The following AUTS2 variants were observed in gnomAD, a reference collection of about 807,000 sequenced individuals.
AUTS2 encodes activator of transcription and developmental regulator AUTS2, also known as autism susceptibility gene 2 protein.
A neutral mutation model predicts 112.4 loss-of-function variants in AUTS2; 17 were observed. The ratio of observed to expected loss-of-function variants is 0.15; its 90% confidence interval spans 0.10 to 0.23. The LOEUF (loss-of-function observed/expected upper bound fraction) is 0.23. Ranked by LOEUF, AUTS2 falls within the 10% of genes least tolerant of loss-of-function variation. The pLI, the probability that AUTS2 is intolerant of heterozygous loss-of-function variation, is 1.00. For missense variants in AUTS2, 1,510 were observed against 1,701.6 expected (o/e 0.89, Z 1.98); for synonymous variants, 751 against 702.7 (o/e 1.07, Z -1.09).
intron 6 of AUTS2, among the ~76,000 whole-genome samples, chr7:70,703,116 G>GT (rs1335562513): frequency 6.6e-6 from 1 of 151,976 alleles, no homozygotes; most frequent in African/African-American, 2.4e-5. Context: ...TATTCTTTAG[G>GT]TTTAGACACA....
intron 1 of AUTS2, among the ~76,000 whole-genome samples, chr7:69,802,726 A>G (rs75697906): frequency 2.1e-3 from 326 of 152,206 alleles, no homozygotes; most frequent in Non-Finnish European, 3.3e-3. Context: ...CTTGCTTTTC[A>G]GTGTTTTGTT....
At chr7:69,783,430 C>T (rs1286456791) in intron 1 of AUTS2, among the ~76,000 whole-genome samples, 1 of 152,026 alleles carries the variant, frequency 6.6e-6, no homozygotes, top group Non-Finnish European at 1.5e-5. Flanking sequence ...AGAATGGTTC[C>T]CAGCTGGCAG....
intron 2 of AUTS2, among the ~76,000 whole-genome samples, chr7:70,059,994 C>CA (rs1802170530): frequency 6.6e-6 from 1 of 152,134 alleles, no homozygotes. Context: ...ATTTTTTCTA[C>CA]AGGTGGTGCA....
In AUTS2 at chr7:69,711,267, C is replaced by G. The variant is rs181691869; in HGVS notation, c.309+111305C>G. Among the ~76,000 whole-genome samples, 44 of 152,206 alleles carry G rather than the reference C, an allele frequency of 2.9e-4. 1 individual carries two copies. The highest frequency in any genetic ancestry group is 4.6e-4 in the Admixed American group (7 of 15,280). On this transcript the variant is annotated intron_variant, in intron 1 of 18. Coordinates refer to ENST00000342771, the MANE Select transcript of AUTS2 (RefSeq NM_015570.4). The stretch of plus-strand genomic sequence containing the variant: ...GAAAATGATAGTTTAAGAATGAGCT[C>G]ATTAACATTTAGAACTGGGTAGGAA...
At position 70,790,590 on chromosome 7, in the gene AUTS2, GCCA is replaced by G. The variant is rs538005366; in HGVS notation, c.3398_3400del (p.His1133del). ...AGGGACCGGGAGCCTCACGACTACA[GCCA>G]CCACCACCACCACCACCACCACCCG... On this transcript the variant is annotated inframe_deletion, in exon 19 of 19. Coordinates refer to ENST00000342771, the MANE Select transcript of AUTS2 (RefSeq NM_015570.4). The surrounding 1 kb of genome is among the most constrained non-coding windows in gnomAD (Gnocchi z 7.6). The G allele has an allele frequency of 7.2e-4, 1,156 of 1,597,498 alleles. No individual in the cohort carries two copies. Among genetic ancestry groups the G allele is most frequent in the African/African-American group, 3.9e-3 (289 of 74,608 alleles).
intron 1 of AUTS2, among the ~76,000 whole-genome samples, chr7:69,847,667 G>A (rs992639719): frequency 3.9e-5 from 6 of 152,156 alleles, no homozygotes; most frequent in African/African-American, 1.4e-4. Context: ...GAAAATAAAA[G>A]ACTAGAAGAA....
intron 5 of AUTS2, among the ~76,000 whole-genome samples, chr7:70,601,056 A>G (rs1179668327): frequency 2.0e-5 from 3 of 152,216 alleles, no homozygotes; most frequent in African/African-American, 4.8e-5. Context: ...TTGCTCAGTC[A>G]TATGTTAACT....
At chr7:70,117,117 G>GTTTTTTTTTT (rs60488343) in intron 2 of AUTS2, among the ~76,000 whole-genome samples, 3 of 73,098 alleles carry the variant, frequency 4.1e-5, no homozygotes, top group African/African-American at 1.2e-4. Context: ...TTTTTTTTTT[G>GTTTTTTTTTT]TTTTTTTTTG....
chr7:69,968,398 A>G (rs1342616419), intron 2 of AUTS2, among the ~76,000 whole-genome samples: 1 of 152,228 alleles, frequency 6.6e-6, no homozygotes, highest in Non-Finnish European at 1.5e-5. Flanking sequence ...GTATTTTAAC[A>G]TACCATTTCT....
intron 5 of AUTS2, among the ~76,000 whole-genome samples, chr7:70,539,080 G>C (rs1297059090): frequency 6.6e-6 from 1 of 152,192 alleles, no homozygotes; most frequent in Non-Finnish European, 1.5e-5. Context: ...AGTCACCTGG[G>C]ATTCTATGAT....
intron 14 of AUTS2, among the ~76,000 whole-genome samples, chr7:70,781,034 G>A (rs1350638531): frequency 3.3e-5 from 5 of 152,156 alleles, no homozygotes; most frequent in African/African-American, 1.2e-4. Context: ...CCATAAATAG[G>A]ATATGGTTTT....
rs75848259 is a variant in AUTS2, at chr7:69,757,039, T to G, written c.310-142247T>G. On this transcript the variant is annotated intron_variant, in intron 1 of 18. Coordinates refer to ENST00000342771, the MANE Select transcript of AUTS2 (RefSeq NM_015570.4). ...ACAGACTTTTCCAGAGATGAAAAATTCTTTCTCACTTCTGTATTAGTCCTT... is the reference window on the plus strand; with the variant it reads ...ACAGACTTTTCCAGAGATGAAAAATGCTTTCTCACTTCTGTATTAGTCCTT... 8.0e-3 allele frequency among the ~76,000 whole-genome samples: 1,217 copies of G among 152,324 alleles called. 24 individuals carry two copies. Among genetic ancestry groups the G allele is most frequent in the South Asian group, 0.057 (276 of 4,824 alleles).
intron 4 of AUTS2, among the ~76,000 whole-genome samples, chr7:70,303,411 C>T (rs958314403): frequency 1.3e-4 from 20 of 148,316 alleles, no homozygotes; most frequent in Admixed American, 7.4e-4. Context: ...CATGTGTGCA[C>T]GCACACACAC....
chr7:70,352,582 G>A (rs1262113146), intron 4 of AUTS2, among the ~76,000 whole-genome samples: 1 of 152,080 alleles, frequency 6.6e-6, no homozygotes, highest in African/African-American at 2.4e-5. Context: ...AGCAACAGAA[G>A]GCAGCAGAGA....
chr7:70,032,139 T>G (rs1288883456), intron 2 of AUTS2, among the ~76,000 whole-genome samples: 1 of 152,138 alleles, frequency 6.6e-6, no homozygotes, highest in Non-Finnish European at 1.5e-5. Context: ...TTTAAAAACT[T>G]AAATTATGAT....
At chr7:70,472,268 A>C (rs1249299895) in intron 5 of AUTS2, among the ~76,000 whole-genome samples, 1 of 152,142 alleles carries the variant, frequency 6.6e-6, no homozygotes, top group African/African-American at 2.4e-5. Flanking sequence ...TTTATATGAG[A>C]GAACCCCAAA....
intron 2 of AUTS2, among the ~76,000 whole-genome samples, chr7:69,980,593 G>GT (rs1448979965): frequency 3.3e-5 from 5 of 151,154 alleles, no homozygotes; most frequent in Non-Finnish European, 2.9e-5. Context: ...GCTTGAAACT[G>GT]TTAAAAAAAA....
intron 1 of AUTS2, among the ~76,000 whole-genome samples, chr7:69,799,737 G>A (rs1371726502): frequency 6.6e-6 from 1 of 152,078 alleles, no homozygotes; most frequent in African/African-American, 2.4e-5. Context: ...CCAAATATTT[G>A]CTATTGTGCC....
intron 2 of AUTS2, among the ~76,000 whole-genome samples, chr7:69,929,982 T>C (rs1253741294): frequency 6.6e-6 from 1 of 152,202 alleles, no homozygotes; most frequent in Admixed American, 6.5e-5. Context: ...GCAGTAAAGT[T>C]ACTTAGAAAA....
Sources: allele counts gnomAD v4.1 joint callset (sites outside exome capture counted in the v4.1 genomes callset), GRCh38; gene constraint gnomAD v4.1.1; non-coding constraint Gnocchi (gnomAD v3.1); transcripts MANE v1.5; gene names NCBI Gene and HGNC (gene_info 2026-07-23, HGNC 2026-07-21).